C4orf50: variants seen among roughly 807,000 people sequenced by gnomAD.
C4orf50 encodes uncharacterized protein C4orf50.
A neutral mutation model predicts 77.2 loss-of-function variants in C4orf50; 80 were observed. The ratio of observed to expected loss-of-function variants is 1.04; its 90% CI spans 0.87 to 1.25. The LOEUF (loss-of-function observed/expected upper bound fraction) is 1.25. C4orf50 is among the 50% of genes most tolerant of loss of function. The pLI, the probability that C4orf50 is intolerant of heterozygous loss-of-function variation, is 0.00. For synonymous variants in C4orf50, 532 were observed against 465.3 expected (o/e 1.14, Z -1.84); for missense variants, 1,257 against 1,152.9 (o/e 1.09, Z -1.31).
intron 27 of C4orf50, among the ~76,000 whole-genome samples, chr4:5,991,927 A>G (rs1721318115): frequency 1.3e-5 from 2 of 152,156 alleles, no homozygotes; most frequent in South Asian, 4.1e-4. Flanking sequence ...TTTGTCTGCA[A>G]TGTCCTTCCA....
At chr4:5,924,129 T>G (rs1717406712) in intron 7 of C4orf50, among the ~76,000 whole-genome samples, 2 of 152,314 alleles carry the variant, frequency 1.3e-5, no homozygotes, top group South Asian at 4.1e-4. Flanking sequence ...TTTGAGGTTT[T>G]GGGACTCAGA....
intron 25 of C4orf50, among the ~76,000 whole-genome samples, chr4:5,998,100 T>G (rs1489366062): frequency 1.3e-5 from 2 of 152,204 alleles, no homozygotes; most frequent in African/African-American, 4.8e-5. Flanking sequence ...TTAAAGGCAT[T>G]TAATACTTAC....
chr4:5,946,125 A>C (rs116334283), intron 7 of C4orf50, among the ~76,000 whole-genome samples: 3,888 of 152,202 alleles, frequency 0.026, 91 homozygotes, highest in African/African-American at 0.055. Context: ...CGCCCTCTGA[A>C]CCTAGGGTGG....
intron 7 of C4orf50, among the ~76,000 whole-genome samples, chr4:5,906,515 A>T (rs1246668048): frequency 6.6e-6 from 1 of 152,184 alleles, no homozygotes; most frequent in East Asian, 1.9e-4. Flanking sequence ...GCACCAGATT[A>T]ATAAACATAT....
At chr4:5,972,037 G>A (rs190365257) in intron 31 of C4orf50, among the ~76,000 whole-genome samples, 1 of 144,736 alleles carries the variant, frequency 6.9e-6, no homozygotes. Context: ...ACACAGTCTT[G>A]CTCTGTCACC....
chr4:5,992,704 C>T lies in C4orf50; in HGVS notation c.1221+99G>A, dbSNP rs1721356727. ...TTCTCCCAGACCTGGAGCTTCTTTA[C>T]CCCTCCCACATCCTGCGTGTGGCCA... is the stretch of plus-strand genomic sequence containing the variant. On this transcript the variant is annotated intron_variant, in intron 27 of 33. Transcript: ENST00000531445. The surrounding 1 kb of genome is among the most constrained non-coding windows in gnomAD (Gnocchi z 5.0). 1 of 373,802 alleles carries T rather than the reference C, an allele frequency of 2.7e-6. No individual in the cohort carries two copies. The highest frequency in any genetic ancestry group is 4.6e-5 in the Admixed American group (1 of 21,918). 23.2% of individuals were successfully genotyped at this position (373,802 alleles called of 1,614,324 possible). A position where few individuals can be genotyped will look rare whatever the true frequency, so the allele number is the denominator to read the frequency against.
At chr4:5,935,935 G>C (rs1199486034) in intron 7 of C4orf50, among the ~76,000 whole-genome samples, 1 of 151,874 alleles carries the variant, frequency 6.6e-6, no homozygotes, top group Non-Finnish European at 1.5e-5. Flanking sequence ...ATTGAATAGA[G>C]ACCATAAAGT....
At chr4:6,013,509 C>T (rs4365670) in intron 23 of C4orf50, among the ~76,000 whole-genome samples, 114,171 of 152,112 alleles carry the variant, frequency 0.75, 43,163 homozygotes, top group East Asian at 0.99. Flanking sequence ...GCCCCAAGTT[C>T]ATCCAGGCCC....
At chr4:5,920,187 ACT>A (rs1201688890) in intron 7 of C4orf50, among the ~76,000 whole-genome samples, 2 of 152,116 alleles carry the variant, frequency 1.3e-5, no homozygotes, top group Non-Finnish European at 2.9e-5. Flanking sequence ...ACCGGGGATA[ACT>A]CTATGTGCAT....
intron 24 of C4orf50, among the ~76,000 whole-genome samples, chr4:6,010,207 C>T (rs1056683042): frequency 6.6e-5 from 10 of 152,066 alleles, no homozygotes; most frequent in African/African-American, 2.4e-4. Context: ...CAGAGGAGTC[C>T]CACTCAACGC....
chr4:5,901,511 T>C lies in C4orf50; in HGVS notation c.*2475-3323A>G, dbSNP rs1716343645. The C allele has an allele frequency of 6.6e-6, 1 of 152,246 alleles. No individual in the cohort carries two copies. The highest frequency in any genetic ancestry group is 2.4e-5 in the African/African-American group (1 of 41,460). 9.4% of individuals were successfully genotyped at this position (152,246 alleles called of 1,614,324 possible). ...TGTTTCTCCTACATCGGGTGGTCTC[T>C]GTCATCTCTCTAGAAGAAAGTCAAA... On this transcript the variant is annotated intron_variant, in intron 7 of 7. Coordinates refer to the C4orf50 transcript ENST00000324058. This position sits in a 1 kb window ranked among gnomAD's most constrained non-coding sequence, Gnocchi z 4.4.
chr4:5,994,575 G>T (rs1721475869), intron 25 of C4orf50, 99 bp from the exon 4 acceptor site: 3 of 397,968 alleles, frequency 7.5e-6, no homozygotes, highest in Non-Finnish European at 1.3e-5. Flanking sequence ...GGGAGCTTGA[G>T]TCTCTTCCAC....
rs1459919487 is a variant in C4orf50 at position 6,018,205 on chromosome 4, T to C, written c.227A>G (p.Glu76Gly). 3.5e-5 allele frequency: 14 copies of C among 398,902 alleles called. No homozygotes were observed. The highest frequency in any genetic ancestry group is 6.2e-5 in the Non-Finnish European group (14 of 226,088). The allele number at this position is 398,902 out of a possible 1,614,324, so 24.7% of individuals were successfully genotyped here. The change falls in exon 23 of 34, where the codon GAG becomes GGG. Residue 76 changes from glutamate to glycine, a missense_variant. Physicochemically the swap from Glu to Gly is moderately conservative, Grantham distance 98. Transcript: ENST00000531445. The surrounding 1 kb of genome is among the most constrained non-coding windows in gnomAD (Gnocchi z 5.1). ...GTCCTCTGCTGCTGACAGCTTCTGC[T>C]CGGAGGACTCCAGCTGCCTCCTGAG...
chr4:6,016,531 AG>A (rs1238667214), intron 23 of C4orf50, among the ~76,000 whole-genome samples: 1 of 152,214 alleles, frequency 6.6e-6, no homozygotes, highest in Non-Finnish European at 1.5e-5. Flanking sequence ...CCTGGGTGAC[AG>A]AGTAAGACTC....
chr4:5,950,219 C>A (rs1359230505), intron 7 of C4orf50, among the ~76,000 whole-genome samples: 1 of 152,080 alleles, frequency 6.6e-6, no homozygotes, highest in Admixed American at 6.5e-5. Flanking sequence ...ATTTTTTAAA[C>A]TATAAAACTG....
chr4:6,000,759 T>C lies in C4orf50; in HGVS notation c.964-6283A>G, dbSNP rs41525151. 5.1e-3 allele frequency among the ~76,000 whole-genome samples: 770 copies of C among 152,298 alleles called. 5 individuals carry two copies. Among genetic ancestry groups the C allele is most frequent in the African/African-American group, 0.018 (738 of 41,562 alleles). On this transcript the variant is annotated intron_variant, in intron 25 of 33. Coordinates refer to ENST00000531445, the Ensembl canonical transcript of C4orf50. The surrounding 1 kb of genome is among the most constrained non-coding windows in gnomAD (Gnocchi z 6.0). ...AGTGGGTACCATCAAATCCTGACTG[T>C]TGACCTGTTGACCAGTATTTACTGA...
At chr4:5,950,770 G>A (rs1311882383) in intron 7 of C4orf50, among the ~76,000 whole-genome samples, 1 of 152,156 alleles carries the variant, frequency 6.6e-6, no homozygotes, top group African/African-American at 2.4e-5. Context: ...ATGAATCTGT[G>A]TGTAGCCTTT....
At chr4:5,913,410 T>TG (rs112844572) in intron 7 of C4orf50, among the ~76,000 whole-genome samples, 16,079 of 152,108 alleles carry the variant, frequency 0.11, 901 homozygotes, top group South Asian at 0.13. Flanking sequence ...GTGAGGGTAG[T>TG]GAGGGTCAGA....
At chr4:6,002,415 G>T (rs554856495) in intron 25 of C4orf50, among the ~76,000 whole-genome samples, 18 of 152,336 alleles carry the variant, frequency 1.2e-4, no homozygotes, top group African/African-American at 4.1e-4. Context: ...AAGTCAGCAG[G>T]TTTGAGGTAC....
Sources: gnomAD v4.1 joint callset for allele counts (sites outside exome capture counted in the v4.1 genomes callset) on GRCh38, gnomAD v4.1.1 for gene constraint, Gnocchi (gnomAD v3.1) non-coding constraint, MANE v1.5 for transcripts, NCBI Gene and HGNC (gene_info 2026-07-23, HGNC 2026-07-21) for gene names.